WDPCP: variants seen among roughly 807,000 people sequenced by gnomAD.
WDPCP encodes the protein WD repeat-containing and planar cell polarity effector protein fritz homolog.
In WDPCP, 71 loss-of-function variants were observed where a neutral mutation model predicts 93.1. That is an observed-to-expected ratio of 0.76 (90% confidence interval 0.63 to 0.93). The LOEUF is 0.93. WDPCP is among the 40% of genes least tolerant of loss of function. WDPCP has a pLI of 0.00. For synonymous variants in WDPCP, 315 were observed against 315.0 expected (o/e 1.00, Z 0.00); for missense variants, 844 against 887.4 (o/e 0.95, Z 0.62).
rs193159431 is a variant in WDPCP at position 63,503,507 on chromosome 2, C to A, written c.76-10567G>T. Among the ~76,000 whole-genome samples the A allele has an allele frequency of 1.9e-3, 285 of 151,924 alleles. 4 individuals are homozygous for A. The highest frequency in any genetic ancestry group is 5.0e-3 in the South Asian group (24 of 4,810). On this transcript the variant is annotated intron_variant, in intron 1 of 17. Coordinates refer to ENST00000272321, the MANE Select transcript of WDPCP (RefSeq NM_015910.7). ...TATGCCTGCATAAGCAAATAATAAT[C>A]ATCATCATCATCACCTCTCACCACC...
At chr2:63,839,651 T>A in the WDPCP span, among the ~76,000 whole-genome samples, 1 of 152,256 alleles carries the variant, frequency 6.6e-6, no homozygotes, top group East Asian at 1.9e-4. Context: ...GGCCCAAATC[T>A]TTCGGTAGTA....
intron 13 of WDPCP, among the ~76,000 whole-genome samples, chr2:63,301,978 G>A (rs1175061844): frequency 1.3e-5 from 2 of 152,060 alleles, no homozygotes; most frequent in African/African-American, 4.8e-5. Context: ...AATCAACCTA[G>A]TGCTTTTAGC....
intron 6 of WDPCP, among the ~76,000 whole-genome samples, chr2:63,449,060 C>T (rs560082674): frequency 6.6e-6 from 1 of 152,204 alleles, no homozygotes; most frequent in Non-Finnish European, 1.5e-5. Flanking sequence ...TGTTAACTAG[C>T]TTGATTTAAT....
chr2:63,225,577 A>ATAAT (rs1010022129), intron 14 of WDPCP, among the ~76,000 whole-genome samples: 17 of 151,918 alleles, frequency 1.1e-4, no homozygotes, highest in African/African-American at 4.1e-4. Flanking sequence ...GACATGCAGG[A>ATAAT]TAATATTTAT....
intron 10 of WDPCP, among the ~76,000 whole-genome samples, chr2:63,401,058 G>A (rs141631402): frequency 6.6e-6 from 1 of 152,032 alleles, no homozygotes; most frequent in East Asian, 1.9e-4. Context: ...GAAAACCTAG[G>A]TAATACCATT....
At chr2:63,539,935 C>T (rs973129735) in intron 1 of WDPCP, among the ~76,000 whole-genome samples, 5 of 152,054 alleles carry the variant, frequency 3.3e-5, no homozygotes, top group East Asian at 1.9e-4. Flanking sequence ...TTAATAATTT[C>T]GCCATTCTCA....
At chr2:63,429,308 C>G (rs1696546585) in intron 9 of WDPCP, among the ~76,000 whole-genome samples, 1 of 152,062 alleles carries the variant, frequency 6.6e-6, no homozygotes, top group South Asian at 2.1e-4. Context: ...GTAAAGTCCT[C>G]AAAAGCAAAT....
intron 12 of WDPCP, among the ~76,000 whole-genome samples, chr2:63,334,344 C>A (rs1307328884): frequency 6.6e-6 from 1 of 152,006 alleles, no homozygotes; most frequent in Non-Finnish European, 1.5e-5. Context: ...TGATATGTGC[C>A]CAAGGTGGTC....
chr2:63,795,728 G>T (rs1209841800), intron 2 of WDPCP, among the ~76,000 whole-genome samples: 1 of 152,158 alleles, frequency 6.6e-6, no homozygotes, highest in Admixed American at 6.5e-5. Flanking sequence ...CCAAAGTGCT[G>T]GAATTACAGG....
chr2:63,748,528 C>T (rs996208896), intron 2 of WDPCP, among the ~76,000 whole-genome samples: 2 of 152,014 alleles, frequency 1.3e-5, no homozygotes, highest in African/African-American at 4.8e-5. Context: ...TGGTGAACAA[C>T]ATTACTAATT....
intron 2 of WDPCP, among the ~76,000 whole-genome samples, chr2:63,689,418 G>A (rs1392351392): frequency 6.6e-6 from 1 of 152,062 alleles, no homozygotes; most frequent in Non-Finnish European, 1.5e-5. Context: ...GAGTAAAGGG[G>A]GCCTCGAAAT....
chr2:63,676,494 C>T (rs143655211), intron 2 of WDPCP, among the ~76,000 whole-genome samples: 22 of 152,024 alleles, frequency 1.4e-4, no homozygotes, highest in African/African-American at 4.1e-4. Flanking sequence ...GAATTACCTA[C>T]AAAGATTAAA....
At chr2:63,382,410 A>G (rs752952279) in intron 10 of WDPCP, among the ~76,000 whole-genome samples, 5 of 152,020 alleles carry the variant, frequency 3.3e-5, no homozygotes, top group Non-Finnish European at 5.9e-5. Context: ...GAAATTAATA[A>G]TTTCTGTGTA....
At chr2:63,608,940 T>C (rs1709584882) in intron 3 of WDPCP, among the ~76,000 whole-genome samples, 1 of 152,202 alleles carries the variant, frequency 6.6e-6, no homozygotes, top group African/African-American at 2.4e-5. Flanking sequence ...ATGAACAAAA[T>C]TTTGTATAAA....
chr2:63,226,517 G>A (rs1233793405), intron 14 of WDPCP, among the ~76,000 whole-genome samples: 1 of 151,574 alleles, frequency 6.6e-6, no homozygotes, highest in Non-Finnish European at 1.5e-5. Flanking sequence ...ACCTTACATC[G>A]AATAAACAGA....
chr2:63,210,680 A>T (rs1676709055), intron 14 of WDPCP, among the ~76,000 whole-genome samples: 1 of 152,208 alleles, frequency 6.6e-6, no homozygotes, highest in African/African-American at 2.4e-5. Context: ...AGGAAGTGCA[A>T]GGGGTCAGGG....
intron 13 of WDPCP, among the ~76,000 whole-genome samples, 154 bp from the exon 14 acceptor site, chr2:63,259,563 T>C (rs1355223812): frequency 6.6e-6 from 1 of 152,210 alleles, no homozygotes; most frequent in African/African-American, 2.4e-5. Flanking sequence ...TTTTCTAGTA[T>C]AAGCAAATTT....
intron 14 of WDPCP, among the ~76,000 whole-genome samples, chr2:63,256,069 T>C (rs747249372): frequency 2.0e-4 from 30 of 152,152 alleles, no homozygotes; most frequent in Non-Finnish European, 3.8e-4. Context: ...TATTCATGGA[T>C]TGGAAAACAA....
At chr2:63,133,470 C>T (rs1363434019) in intron 17 of WDPCP, among the ~76,000 whole-genome samples, 1 of 152,152 alleles carries the variant, frequency 6.6e-6, no homozygotes. Flanking sequence ...TGTGTCCCCA[C>T]CCAAATCTCA....
Sources: allele counts gnomAD v4.1 joint callset (sites outside exome capture counted in the v4.1 genomes callset), GRCh38; gene constraint gnomAD v4.1.1; transcripts MANE v1.5; gene names NCBI Gene and HGNC (gene_info 2026-07-23, HGNC 2026-07-21).